The following LINGO2 variants were observed in gnomAD, a reference collection of about 807,000 sequenced individuals.
LINGO2 encodes leucine-rich repeat and immunoglobulin-like domain-containing nogo receptor-interacting protein 2.
In LINGO2, 14 loss-of-function variants were observed where a neutral mutation model predicts 30.6. That is an observed-to-expected ratio of 0.46 (90% confidence interval 0.30 to 0.72). LINGO2 has a LOEUF of 0.72. Ranked by LOEUF, LINGO2 falls within the 30% of genes least tolerant of loss-of-function variation. The pLI is 0.07. For missense variants in LINGO2, 729 were observed against 751.7 expected (o/e 0.97, Z 0.35); for synonymous variants, 317 against 288.5 (o/e 1.10, Z -1.00).
At chr9:28,263,036 A>G (rs1822620434) in intron 4 of LINGO2, among the ~76,000 whole-genome samples, 1 of 151,954 alleles carries the variant, frequency 6.6e-6, no homozygotes, top group African/African-American at 2.4e-5. Context: ...CCCGTCTCCT[A>G]AGGCTTAAAT....
the LINGO2 span, among the ~76,000 whole-genome samples, chr9:28,727,881 A>C: frequency 6.6e-6 from 1 of 152,152 alleles, no homozygotes; most frequent in African/African-American, 2.4e-5. Context: ...GGTGCAGAGT[A>C]AGAGGCAGAC....
At chr9:28,309,009 T>A (rs1282680535) in intron 3 of LINGO2, among the ~76,000 whole-genome samples, 1 of 152,122 alleles carries the variant, frequency 6.6e-6, no homozygotes, top group Non-Finnish European at 1.5e-5. Context: ...TCAACCATTG[T>A]GGAAGTCAGT....
chr9:29,105,815 A>G, the LINGO2 span, among the ~76,000 whole-genome samples: 1 of 152,184 alleles, frequency 6.6e-6, no homozygotes, highest in African/African-American at 2.4e-5. Context: ...GGCAACATCT[A>G]GGATCTAAGA....
intron 4 of LINGO2, among the ~76,000 whole-genome samples, chr9:28,257,655 C>T (rs552499155): frequency 6.6e-5 from 10 of 151,990 alleles, no homozygotes; most frequent in Non-Finnish European, 1.0e-4. Context: ...TCTCCACCTG[C>T]GTTTCAGCAA....
At chr9:28,801,600 C>T in the LINGO2 span, among the ~76,000 whole-genome samples, 42 of 152,056 alleles carry the variant, frequency 2.8e-4, no homozygotes, top group Non-Finnish European at 5.3e-4. Flanking sequence ...TTCCTTTTGT[C>T]CGCCTCACTG....
intron 4 of LINGO2, among the ~76,000 whole-genome samples, chr9:28,290,817 C>T (rs772142715): frequency 6.6e-6 from 1 of 152,048 alleles, no homozygotes; most frequent in African/African-American, 2.4e-5. Context: ...AGACAAATGT[C>T]AGTTTCAAGC....
intron 4 of LINGO2, among the ~76,000 whole-genome samples, chr9:28,039,632 G>T (rs1386194887): frequency 1.3e-5 from 2 of 152,026 alleles, no homozygotes; most frequent in Non-Finnish European, 2.9e-5. Context: ...GGGTGGATAT[G>T]CTGTTGACCA....
At chr9:28,912,733 G>T in the LINGO2 span, among the ~76,000 whole-genome samples, 11 of 152,054 alleles carry the variant, frequency 7.2e-5, no homozygotes, top group Admixed American at 7.2e-4. Flanking sequence ...TCTACAAAAC[G>T]ACAGCCTGTA....
intron 1 of LINGO2, among the ~76,000 whole-genome samples, chr9:28,631,810 G>T (rs936494621): frequency 6.6e-6 from 1 of 152,098 alleles, no homozygotes; most frequent in Admixed American, 6.6e-5. Context: ...TCTTGAGGCA[G>T]TTCTCCAGGC....
At chr9:28,574,203 A>C (rs1404105831) in intron 1 of LINGO2, among the ~76,000 whole-genome samples, 1 of 152,144 alleles carries the variant, frequency 6.6e-6, no homozygotes, top group Non-Finnish European at 1.5e-5. Context: ...AGTTACTAAG[A>C]CTCAACTGTG....
At chr9:28,225,787 T>G (rs1390952199) in intron 4 of LINGO2, among the ~76,000 whole-genome samples, 1 of 152,062 alleles carries the variant, frequency 6.6e-6, no homozygotes, top group African/African-American at 2.4e-5. Flanking sequence ...TTACTAGTAG[T>G]GCAAAAAATA....
At chr9:29,164,765 C>A in the LINGO2 span, among the ~76,000 whole-genome samples, 1 of 151,812 alleles carries the variant, frequency 6.6e-6, no homozygotes, top group Admixed American at 6.6e-5. Context: ...CATATATGCA[C>A]GTGTGTGTAT....
At chr9:29,041,376 A>C in the LINGO2 span, among the ~76,000 whole-genome samples, 1 of 152,074 alleles carries the variant, frequency 6.6e-6, no homozygotes, top group South Asian at 2.1e-4. Flanking sequence ...GAATAGCTAA[A>C]ATATTTTGAA....
intron 2 of LINGO2, among the ~76,000 whole-genome samples, chr9:28,420,847 T>C (rs1823166019): frequency 6.6e-6 from 1 of 152,132 alleles, no homozygotes; most frequent in South Asian, 2.1e-4. Flanking sequence ...TCTGTATTCA[T>C]CATTCTTTTG....
intron 1 of LINGO2, among the ~76,000 whole-genome samples, chr9:28,641,191 G>A (rs917213253): frequency 1.1e-4 from 17 of 152,000 alleles, no homozygotes; most frequent in East Asian, 1.9e-4. Flanking sequence ...CTGCCACCAC[G>A]CTCGGCTAAT....
chr9:28,289,956 T>C (rs1290845583), intron 4 of LINGO2, among the ~76,000 whole-genome samples: 1 of 152,222 alleles, frequency 6.6e-6, no homozygotes, highest in Non-Finnish European at 1.5e-5. Flanking sequence ...GGCTCACTGA[T>C]GCCTGAAATT....
rs543651831 is a variant in LINGO2, at chr9:28,632,856, T to TTATA, written c.-365+37340_-365+37343dup. On this transcript the variant is annotated intron_variant, in intron 1 of 5. Transcript: ENST00000379992. ...ATATATATAAATCTATATATATTTT[T>TTATA]TATATATATATATATATATATATGT... Among the ~76,000 whole-genome samples the TTATA allele has an allele frequency of 2.4e-3, 221 of 93,638 alleles. 3 individuals carry two copies. Among genetic ancestry groups the TTATA allele is most frequent in the South Asian group, 7.2e-3 (22 of 3,072 alleles). 61.4% of individuals were successfully genotyped at this position (93,638 alleles called of 152,430 possible).
At chr9:28,538,901 G>C (rs1250279003) in intron 1 of LINGO2, among the ~76,000 whole-genome samples, 1 of 151,202 alleles carries the variant, frequency 6.6e-6, no homozygotes, top group Non-Finnish European at 1.5e-5. Context: ...AATAGATTGA[G>C]AAAAATAATT....
chr9:28,689,497 C>T, the LINGO2 span, among the ~76,000 whole-genome samples: 3 of 150,606 alleles, frequency 2.0e-5, no homozygotes, highest in South Asian at 2.1e-4. Context: ...CAAATCAAAA[C>T]CACAATGAGA....
Sources: allele counts gnomAD v4.1 joint callset (sites outside exome capture counted in the v4.1 genomes callset), GRCh38; gene constraint gnomAD v4.1.1; transcripts MANE v1.5; gene names NCBI Gene and HGNC (gene_info 2026-07-23, HGNC 2026-07-21).